RAD54L: variants seen among roughly 807,000 people sequenced by gnomAD.
The protein encoded by RAD54L is RAD54 like, also known as DNA repair and recombination protein RAD54-like.
Under a neutral mutation model 91.6 loss-of-function variants are expected in RAD54L, and 74 were observed. That is an observed-to-expected ratio of 0.81 (90% CI 0.67 to 0.98). The LOEUF (loss-of-function observed/expected upper bound fraction) is 0.98. Among genes scored for constraint, RAD54L ranks in the 50% least tolerant of loss-of-function variants. The pLI, the probability that RAD54L is intolerant of heterozygous loss-of-function variation, is 0.00. For synonymous variants in RAD54L, 304 were observed against 349.7 expected, an observed-to-expected ratio of 0.87 and a Z score of 1.46; for missense variants, 887 against 945.7, an observed-to-expected ratio of 0.94 and a Z score of 0.81.
chr1:46,251,246 C>T (rs981500546), intron 3 of RAD54L, among the ~76,000 whole-genome samples: 6 of 149,954 alleles, frequency 4.0e-5, no homozygotes, highest in African/African-American at 7.4e-5. Context: ...CGGGAGGCAG[C>T]GGTTGCAGTG....
chr1:46,261,001 T>C lies in RAD54L; in HGVS notation c.752T>C (p.Ile251Thr), dbSNP rs1416960892. The change falls in exon 7 of 18, where the codon ATA (isoleucine) becomes ACA (threonine). Residue 251 changes from isoleucine (I) to threonine (T), a missense_variant. Physicochemically the swap from Ile to Thr is moderately conservative, Grantham distance 89 (BLOSUM62 -1). Transcript: ENST00000371975. Reference sequence around the variant, plus strand: ...ATCGATGGAGGATCTAAGGATGAAATAGACCAAAAGCTGGGTACGGAGCCC... The same window carrying C: ...ATCGATGGAGGATCTAAGGATGAAACAGACCAAAAGCTGGGTACGGAGCCC... ...LAIDGGSKDEIDQKLEGFMNQ... is the reference protein window; with the variant it reads ...LAIDGGSKDETDQKLEGFMNQ... 3.7e-6 allele frequency: 6 copies of C among 1,613,510 alleles called. No homozygotes were observed. The highest frequency in any genetic ancestry group is 5.1e-6 in the Non-Finnish European group (6 of 1,179,944).
At chr1:46,255,701 A>G (rs1001086219) in intron 3 of RAD54L, among the ~76,000 whole-genome samples, 3 of 151,880 alleles carry the variant, frequency 2.0e-5, no homozygotes, top group Non-Finnish European at 4.4e-5. Flanking sequence ...GGGTTTCACC[A>G]TGTTGGCAAG....
At chr1:46,248,679 T>C (rs566726427) in intron 2 of RAD54L, 81 bp downstream of exon 2, 1 of 1,273,112 alleles carries the variant, frequency 7.9e-7, no homozygotes, top group Non-Finnish European at 1.1e-6. Context: ...TAGGGTTACA[T>C]AGCCAATTCC....
rs767901196 is a variant in RAD54L, at chr1:46,277,943, A to T, written c.1996A>T (p.Ile666Phe). The change falls in exon 17 of 18, where the codon ATC becomes TTC. Residue 666 changes from isoleucine (I) to phenylalanine (F), a missense_variant. By Grantham distance (21) the Ile-to-Phe change is conservative. Transcript: ENST00000371975. ...FSLGELKELF[I>F]LDEASLSDTH... ...TCTGGGCGAGTTGAAGGAGCTGTTTATCCTGGATGAAGCTAGCCTCAGTGA... is the reference window on the plus strand; with the variant it reads ...TCTGGGCGAGTTGAAGGAGCTGTTTTTCCTGGATGAAGCTAGCCTCAGTGA... 1 of 1,614,140 alleles carries T rather than the reference A, an allele frequency of 6.2e-7. No homozygotes were observed. Among genetic ancestry groups the T allele is most frequent in the East Asian group, 2.2e-5 (1 of 44,880 alleles).
chr1:46,250,254 GC>G, intron 3 of RAD54L, 135 bp downstream of exon 3: 1 of 1,242,332 alleles, frequency 8.0e-7, no homozygotes, highest in Non-Finnish European at 1.2e-6. Flanking sequence ...CTTTGGACCT[GC>G]CCACAGCTGC....
chr1:46,274,250 G>T, intron 15 of RAD54L, 34 bp downstream of exon 15: 1 of 1,567,318 alleles, frequency 6.4e-7, no homozygotes, highest in Non-Finnish European at 8.8e-7. Flanking sequence ...CACCACCAAT[G>T]CAGTATCATC....
At position 46,277,798 on chromosome 1, in the gene RAD54L, C is replaced by T. The variant is rs374614940; in HGVS notation, c.1870-19C>T. ...CTAAGCGCTGTATCTTTTGACATTC[C>T]CCACCTCCTCTTCCCCAGGCAGGGA... On this transcript the variant is annotated intron_variant, in intron 16 of 17. Transcript: ENST00000371975. The T allele has an allele frequency of 2.5e-5, 40 of 1,594,252 alleles. No homozygotes were observed. The highest frequency in any genetic ancestry group is 3.3e-5 in the Non-Finnish European group (38 of 1,162,792).
Position 46,265,558 on chromosome 1 carries a change from G to A in RAD54L, c.892-1901G>A, listed in dbSNP as rs1333950368. Among the ~76,000 whole-genome samples, 6 of 152,166 alleles carry A rather than the reference G, an allele frequency of 3.9e-5. No homozygotes were observed. The highest frequency in any genetic ancestry group is 3.3e-4 in the Admixed American group (5 of 15,274). On this transcript the variant is annotated intron_variant, in intron 8 of 17. Coordinates refer to ENST00000371975, the MANE Select transcript of RAD54L (RefSeq NM_003579.4). This position sits in a 1 kb window ranked among gnomAD's most constrained non-coding sequence, Gnocchi z 4.8. ...CAAAGTGCTAGGATTACAGGCATGA[G>A]CCACCATGCCCCGTTGGTTTATTTA...
At position 46,272,691 on chromosome 1, in the gene RAD54L, G is replaced by C. The variant is rs764501641; in HGVS notation, c.1264G>C (p.Glu422Gln). The C allele has an allele frequency of 4.3e-6, 7 of 1,614,046 alleles. No homozygotes were observed. In the East Asian group the frequency reaches 1.3e-4, roughly 31 times the overall value. Residue 422 changes from glutamate (E) to glutamine (Q), a missense_variant, in exon 12 of 18, where the codon GAG (glutamate) becomes CAG (glutamine). Coordinates refer to ENST00000371975, the MANE Select transcript of RAD54L (RefSeq NM_003579.4). ...VCCRLTPLQT[E>Q]LYKRFLRQAK... Reference sequence around the variant, plus strand: ...TTTTAGGCTGACACCCCTTCAGACTGAGTTATACAAGAGGTTTCTGAGACA... The same window carrying C: ...TTTTAGGCTGACACCCCTTCAGACTCAGTTATACAAGAGGTTTCTGAGACA...
chr1:46,250,209 T>G, intron 3 of RAD54L, 90 bp downstream of exon 3: 1 of 1,557,144 alleles, frequency 6.4e-7, no homozygotes, highest in Non-Finnish European at 8.8e-7. Flanking sequence ...CCTCAGTGCT[T>G]TCTAGAGTGG....
In RAD54L at chr1:46,274,624, C is replaced by G; in HGVS notation, c.1776C>G (p.Asp592Glu). The G allele has an allele frequency of 6.2e-7, 1 of 1,614,050 alleles. No homozygotes were observed. Among genetic ancestry groups the G allele is most frequent in the Middle Eastern group, 1.7e-4 (1 of 5,936 alleles). The stretch of plus-strand genomic sequence containing the variant: ...GGGCTAACCGGCTGGTCATGTTTGA[C>G]CCTGACTGGAACCCAGCCAATGATG... ...LIGANRLVMF[D>E]PDWNPANDEQ... The change falls in exon 16 of 18, where the codon GAC (aspartate) becomes GAG (glutamate). Residue 592 changes from aspartate (D) to glutamate (E), a missense_variant. By Grantham distance (45) the Asp-to-Glu change is conservative (BLOSUM62 2). Transcript: ENST00000371975.
At chr1:46,258,547 A>T in intron 3 of RAD54L, 139 bp from the exon 4 acceptor site, 3 of 722,528 alleles carry the variant, frequency 4.2e-6, no homozygotes, top group Non-Finnish European at 7.4e-6. Context: ...CCCTTCTGCT[A>T]TCCCTGGATA....
chr1:46,260,580 T>G lies in RAD54L; in HGVS notation c.446T>G (p.Leu149Arg), dbSNP rs1008084545. 6.2e-7 allele frequency: 1 copy of G among 1,614,122 alleles called. No individual in the cohort carries two copies. The highest frequency in any genetic ancestry group is 1.3e-5 in the African/African-American group (1 of 75,020). ...GTCCATGTGGTTGTTGACCCTATTC[T>G]CAGTAAGGTTTTGCGGCCTCATCAG... ...LPVHVVVDPI[L>R]SKVLRPHQRE... Residue 149 changes from leucine (L) to arginine (R), a missense_variant, in exon 6 of 18, where the codon CTC becomes CGC. Transcript: ENST00000371975.
intron 16 of RAD54L, among the ~76,000 whole-genome samples, chr1:46,276,192 G>C (rs1660595666): frequency 6.6e-6 from 1 of 152,038 alleles, no homozygotes. Flanking sequence ...TTAACTGATT[G>C]ATTTTGAGAC....
chr1:46,265,534 A>G lies in RAD54L; in HGVS notation c.892-1925A>G, dbSNP rs111909114. Among the ~76,000 whole-genome samples the G allele has an allele frequency of 7.2e-3, 1,091 of 152,296 alleles. 17 individuals carry two copies. Among genetic ancestry groups the G allele is most frequent in the Middle Eastern group, 0.034 (10 of 294 alleles). ...GGTGATCCACTTGCCTTAACCTCCCAAAGTGCTAGGATTACAGGCATGAGC... is the reference window on the plus strand; with the variant it reads ...GGTGATCCACTTGCCTTAACCTCCCGAAGTGCTAGGATTACAGGCATGAGC... On this transcript the variant is annotated intron_variant, in intron 8 of 17. Coordinates refer to ENST00000371975, the MANE Select transcript of RAD54L (RefSeq NM_003579.4). This position sits in a 1 kb window ranked among gnomAD's most constrained non-coding sequence, Gnocchi z 4.8.
intron 16 of RAD54L, among the ~76,000 whole-genome samples, chr1:46,276,895 G>A (rs1396160751): frequency 6.6e-6 from 1 of 152,132 alleles, no homozygotes; most frequent in Admixed American, 6.5e-5. Context: ...CTGCTTCCCG[G>A]GTTCAAGCGA....
chr1:46,273,621 C>A lies in RAD54L; in HGVS notation c.1487-3C>A. Reference sequence around the variant, plus strand: ...GGGGACTGCTGGTTGCTGCTCTTCCCAGGTAAGATGCTGGTCCTGGATTAT... The same window carrying A: ...GGGGACTGCTGGTTGCTGCTCTTCCAAGGTAAGATGCTGGTCCTGGATTAT... On this transcript the variant is annotated splice_polypyrimidine_tract_variant and splice_region_variant and intron_variant, in intron 13 of 17. Coordinates refer to ENST00000371975, the MANE Select transcript of RAD54L (RefSeq NM_003579.4). 6.2e-7 allele frequency: 1 copy of A among 1,613,330 alleles called. No homozygotes were observed. Among genetic ancestry groups the A allele is most frequent in the South Asian group, 1.1e-5 (1 of 91,020 alleles).
rs989554883 is a variant in RAD54L at position 46,258,583 on chromosome 1, G to A, written c.211-103G>A. 2.2e-5 allele frequency: 20 copies of A among 917,122 alleles called. No individual in the cohort carries two copies. The African/African-American group carries it at 2.6e-4, about 12-fold the overall frequency. 56.8% of individuals were successfully genotyped at this position (917,122 alleles called of 1,614,324 possible). On this transcript the variant is annotated intron_variant, in intron 3 of 17. Coordinates refer to ENST00000371975, the MANE Select transcript of RAD54L (RefSeq NM_003579.4). The stretch of plus-strand genomic sequence containing the variant: ...TTTGTAGAACCTTACATAAAGCCTC[G>A]AAGATGGATGCTGTTGTACAAAACC...
intron 3 of RAD54L, 123 bp from the exon 4 acceptor site, chr1:46,258,563 A>G: frequency 1.3e-6 from 1 of 783,306 alleles, no homozygotes; most frequent in Non-Finnish European, 2.2e-6. Flanking sequence ...GGATATTTGT[A>G]GAACCTTACA....
Sources: gnomAD v4.1 joint callset for allele counts (sites outside exome capture counted in the v4.1 genomes callset) on GRCh38, gnomAD v4.1.1 for gene constraint, Gnocchi (gnomAD v3.1) non-coding constraint, MANE v1.5 for transcripts, NCBI Gene and HGNC (gene_info 2026-07-23, HGNC 2026-07-21) for gene names.